Variants in BICC1 observed in about 807,000 individuals in gnomAD.
BICC1 encodes BicC family RNA binding protein 1, also known as protein bicaudal C homolog 1.
BICC1 carries 43 observed loss-of-function variants against 111.0 expected under a neutral mutation model. The observed-to-expected ratio is 0.39, with a 90% CI of 0.30 to 0.50. The LOEUF (loss-of-function observed/expected upper bound fraction) is 0.50, where lower values mean the gene tolerates loss of function less well. BICC1 is among the 20% of genes least tolerant of loss of function. The pLI, the probability that BICC1 is intolerant of heterozygous loss-of-function variation, is 0.88. For missense variants in BICC1, 1,091 were observed against 1,203.2 expected, an observed-to-expected ratio of 0.91 and a Z score of 1.38; for synonymous variants, 467 against 434.4, an observed-to-expected ratio of 1.07 and a Z score of -0.93.
chr10:58,787,167 G>A, intron 5 of BICC1, 86 bp downstream of exon 5: 4 of 1,259,510 alleles, frequency 3.2e-6, no homozygotes, highest in Non-Finnish European at 3.2e-6. Context: ...TTTTCTGAGA[G>A]GTGAGACAAA....
rs1840080451 is a variant in BICC1 at position 58,696,917 on chromosome 10, C to CT, written c.238-5155dup. Among the ~76,000 whole-genome samples the CT allele has an allele frequency of 2.0e-5, 3 of 152,180 alleles. No individual in the cohort carries two copies. In the South Asian group the frequency reaches 6.2e-4, roughly 32 times the overall value. The stretch of plus-strand genomic sequence containing the variant: ...AAACTGGCTGGAATTCACTCTAGGG[C>CT]TTCCCCCACCCCCCTGCTGAGACGA... On this transcript the variant is annotated intron_variant, in intron 2 of 20. Transcript: ENST00000373886.
At chr10:58,667,425 C>CT (rs1478401810) in intron 2 of BICC1, among the ~76,000 whole-genome samples, 3 of 151,594 alleles carry the variant, frequency 2.0e-5, no homozygotes, top group African/African-American at 4.8e-5. Flanking sequence ...AAGTAGAAGT[C>CT]TTTGGATACT....
intron 2 of BICC1, among the ~76,000 whole-genome samples, chr10:58,656,060 A>G (rs1188555636): frequency 1.3e-5 from 2 of 152,228 alleles, no homozygotes; most frequent in East Asian, 1.9e-4. Flanking sequence ...ATCAGAGAAT[A>G]CTACAGACAC....
At chr10:58,681,940 A>G (rs1421377960) in intron 2 of BICC1, among the ~76,000 whole-genome samples, 1 of 151,958 alleles carries the variant, frequency 6.6e-6, no homozygotes, top group African/African-American at 2.4e-5. Flanking sequence ...ATATGTATAC[A>G]TGTGGCATAT....
chr10:58,551,349 TA>T (rs1224156001), intron 1 of BICC1, among the ~76,000 whole-genome samples: 42 of 152,176 alleles, frequency 2.8e-4, no homozygotes, highest in Non-Finnish European at 5.3e-4. Context: ...TTTTATTATT[TA>T]TTTACTTTTA....
intron 1 of BICC1, among the ~76,000 whole-genome samples, chr10:58,554,923 A>C (rs1287800569): frequency 6.6e-6 from 1 of 151,174 alleles, no homozygotes; most frequent in Non-Finnish European, 1.5e-5. Flanking sequence ...TTGTAAGCTT[A>C]ATTCTGTTTG....
At chr10:58,544,839 C>T (rs1041131690) in intron 1 of BICC1, among the ~76,000 whole-genome samples, 15 of 152,020 alleles carry the variant, frequency 9.9e-5, no homozygotes, top group African/African-American at 2.9e-4. Context: ...AGGGCTTTTG[C>T]GGCGGTAATC....
intron 9 of BICC1, 128 bp downstream of exon 9, chr10:58,793,743 C>A: frequency 1.0e-6 from 1 of 980,270 alleles, no homozygotes; most frequent in Non-Finnish European, 1.5e-6. Context: ...TATCCCCAAT[C>A]CGGAATGCTC....
chr10:58,573,468 G>GCA (rs1844021226), intron 1 of BICC1, among the ~76,000 whole-genome samples: 2 of 152,142 alleles, frequency 1.3e-5, no homozygotes, highest in Admixed American at 1.3e-4. Flanking sequence ...TGGTCTGAAA[G>GCA]AGGTTTTGCT....
chr10:58,668,847 C>A (rs985838092), intron 2 of BICC1, among the ~76,000 whole-genome samples: 13 of 152,122 alleles, frequency 8.5e-5, no homozygotes, highest in Admixed American at 5.9e-4. Flanking sequence ...AGCTTTTTCT[C>A]CCTACCATCC....
intron 1 of BICC1, among the ~76,000 whole-genome samples, chr10:58,562,374 A>T (rs990104683): frequency 1.7e-4 from 26 of 152,084 alleles, no homozygotes; most frequent in African/African-American, 6.0e-4. Context: ...TAGAAAAATC[A>T]GTCTCTTCTG....
chr10:58,606,619 C>G (rs1845223955), intron 1 of BICC1, among the ~76,000 whole-genome samples: 1 of 152,096 alleles, frequency 6.6e-6, no homozygotes, highest in Admixed American at 6.5e-5. Flanking sequence ...ACTCTCTTGT[C>G]ATATACCATC....
Position 58,794,575 on chromosome 10 carries a change from C to T in BICC1, c.1179+960C>T, listed in dbSNP as rs541524669. On this transcript the variant is annotated intron_variant, in intron 9 of 20. Transcript: ENST00000373886. ...CTGGGACCACAGGCATGTGCCACCA[C>T]ACCTGGCTAATGTTTTGTACTTTTT... 9.2e-5 allele frequency among the ~76,000 whole-genome samples: 14 copies of T among 152,098 alleles called. No homozygotes were observed. In the East Asian group the frequency reaches 2.3e-3, roughly 25 times the overall value.
intron 17 of BICC1, among the ~76,000 whole-genome samples, chr10:58,810,876 C>T (rs1359242120): frequency 6.6e-6 from 1 of 152,114 alleles, no homozygotes; most frequent in Non-Finnish European, 1.5e-5. Flanking sequence ...GTAAAAAGAG[C>T]AAGCATGTTT....
chr10:58,658,937 G>T (rs1180907383), intron 2 of BICC1, among the ~76,000 whole-genome samples: 1 of 152,114 alleles, frequency 6.6e-6, no homozygotes, highest in Admixed American at 6.6e-5. Flanking sequence ...AGTGTAATTG[G>T]TTCTGCACCC....
chr10:58,647,721 A>G (rs538715605), intron 2 of BICC1, among the ~76,000 whole-genome samples: 86 of 152,194 alleles, frequency 5.7e-4, no homozygotes, highest in African/African-American at 2.0e-3. Context: ...GGGTTTAAAG[A>G]GCTACCCTGC....
At chr10:58,558,937 C>T (rs960728908) in intron 1 of BICC1, among the ~76,000 whole-genome samples, 2 of 151,994 alleles carry the variant, frequency 1.3e-5, no homozygotes, top group African/African-American at 4.8e-5. Context: ...TAATCACCTC[C>T]CAAAGTTCCA....
intron 2 of BICC1, among the ~76,000 whole-genome samples, chr10:58,631,405 A>T (rs1253068389): frequency 2.0e-5 from 3 of 150,526 alleles, no homozygotes; most frequent in African/African-American, 7.3e-5. Flanking sequence ...CTTTTTTTTT[A>T]AATTCATTGG....
chr10:58,557,858 C>A (rs1039835242), intron 1 of BICC1, among the ~76,000 whole-genome samples: 5 of 151,770 alleles, frequency 3.3e-5, no homozygotes, highest in Admixed American at 3.3e-4. Context: ...CCTGTATTTT[C>A]CTGTTTCTTT....
Sources: gnomAD v4.1 joint callset for allele counts (sites outside exome capture counted in the v4.1 genomes callset) on GRCh38, gnomAD v4.1.1 for gene constraint, MANE v1.5 for transcripts, NCBI Gene and HGNC (gene_info 2026-07-23, HGNC 2026-07-21) for gene names.